The following ARHGAP26 variants were observed in gnomAD, a reference collection of about 807,000 sequenced individuals.
ARHGAP26 encodes the protein rho GTPase-activating protein 26.
ARHGAP26 carries 38 observed loss-of-function variants against 104.8 expected under a neutral mutation model. The observed-to-expected ratio is 0.36, with a 90% confidence interval of 0.28 to 0.48. ARHGAP26 has a LOEUF of 0.48. ARHGAP26 is among the 20% of genes least tolerant of loss of function. The probability of loss-of-function intolerance (pLI) is 0.99; values close to 1 mark genes in which losing one functional copy is unlikely to be tolerated. For synonymous variants in ARHGAP26, 341 were observed against 340.0 expected (o/e 1.00, Z -0.03); for missense variants, 704 against 947.9 (o/e 0.74, Z 3.38).
At chr5:142,775,164 T>G (rs985074164) in intron 1 of ARHGAP26, among the ~76,000 whole-genome samples, 1 of 152,102 alleles carries the variant, frequency 6.6e-6, no homozygotes, top group African/African-American at 2.4e-5. Flanking sequence ...GTGTAGTTTT[T>G]TTTAAGAACT....
chr5:143,042,540 T>TAA (rs1783623560), intron 14 of ARHGAP26, among the ~76,000 whole-genome samples: 2 of 152,320 alleles, frequency 1.3e-5, no homozygotes, highest in South Asian at 4.1e-4. Flanking sequence ...GCAGATTTCC[T>TAA]GTATTTTTAG....
intron 1 of ARHGAP26, among the ~76,000 whole-genome samples, chr5:142,861,294 G>T (rs1466936128): frequency 6.6e-6 from 1 of 151,996 alleles, no homozygotes; most frequent in African/African-American, 2.4e-5. Context: ...AAAAGAAAGT[G>T]AAACCAATTT....
intron 6 of ARHGAP26, among the ~76,000 whole-genome samples, chr5:142,901,204 G>T (rs1760280780): frequency 6.6e-6 from 1 of 152,200 alleles, no homozygotes; most frequent in African/African-American, 2.4e-5. Flanking sequence ...AAGCCGTGTG[G>T]TGAGCATTGT....
At chr5:143,092,190 G>T (rs1294096677) in intron 17 of ARHGAP26, among the ~76,000 whole-genome samples, 3 of 141,838 alleles carry the variant, frequency 2.1e-5, no homozygotes. Flanking sequence ...TTTTGAGATG[G>T]AGTCTCCCTC....
Position 142,770,931 on chromosome 5 carries a change from C to T in ARHGAP26, c.154+16C>T. 1.3e-6 allele frequency: 2 copies of T among 1,594,608 alleles called. No homozygotes were observed. Among genetic ancestry groups the T allele is most frequent in the Non-Finnish European group, 1.7e-6 (2 of 1,169,346 alleles). ...GCGCTCAAGAGTGAGTGTCCCGAGC[C>T]CCTCGGGGACGCGGCTCCGGGGCGG... On this transcript the variant is annotated intron_variant, in intron 1 of 22. Coordinates refer to ENST00000645722, the MANE Select transcript of ARHGAP26 (RefSeq NM_001135608.3).
At chr5:142,960,258 G>A (rs1160998918) in intron 11 of ARHGAP26, among the ~76,000 whole-genome samples, 1 of 152,214 alleles carries the variant, frequency 6.6e-6, no homozygotes, top group African/African-American at 2.4e-5. Flanking sequence ...AGCCTAAATT[G>A]ACAAAAGAAG....
At chr5:142,972,543 T>G (rs534996006) in intron 11 of ARHGAP26, among the ~76,000 whole-genome samples, 111 of 152,298 alleles carry the variant, frequency 7.3e-4, no homozygotes, top group Non-Finnish European at 1.3e-3. Flanking sequence ...AACTTTTATT[T>G]TGTGTGTTTA....
At chr5:142,967,874 T>C (rs917439467) in intron 11 of ARHGAP26, among the ~76,000 whole-genome samples, 2 of 152,030 alleles carry the variant, frequency 1.3e-5, no homozygotes, top group Non-Finnish European at 2.9e-5. Context: ...ACTGATAAAA[T>C]CAGTGATGAG....
intron 1 of ARHGAP26, among the ~76,000 whole-genome samples, chr5:142,848,091 A>G (rs1215131342): frequency 6.6e-6 from 1 of 152,226 alleles, no homozygotes; most frequent in Non-Finnish European, 1.5e-5. Flanking sequence ...TAGTTGGTGA[A>G]GGGGAGTGAT....
chr5:143,072,431 C>T (rs1226585813), intron 17 of ARHGAP26, among the ~76,000 whole-genome samples: 2 of 152,192 alleles, frequency 1.3e-5, no homozygotes, highest in Admixed American at 1.3e-4. Context: ...GAAATCATTA[C>T]ATTGAAGAGA....
intron 17 of ARHGAP26, among the ~76,000 whole-genome samples, chr5:143,107,252 G>A (rs1012152009): frequency 1.2e-4 from 18 of 152,152 alleles, no homozygotes; most frequent in Non-Finnish European, 2.4e-4. Context: ...ATGACATGAG[G>A]TTGGAGGGGT....
chr5:143,217,681 C>G (rs1246380901), intron 22 of ARHGAP26, among the ~76,000 whole-genome samples: 1 of 152,162 alleles, frequency 6.6e-6, no homozygotes, highest in Non-Finnish European at 1.5e-5. Context: ...AATGGGTTAA[C>G]AGGAGGGCAC....
At chr5:142,900,007 G>T (rs1760067284) in intron 6 of ARHGAP26, among the ~76,000 whole-genome samples, 1 of 152,210 alleles carries the variant, frequency 6.6e-6, no homozygotes, top group Non-Finnish European at 1.5e-5. Flanking sequence ...AATGACCTTG[G>T]AATTAACTGC....
Position 143,222,382 on chromosome 5 carries a change from G to T in ARHGAP26, c.2216G>T (p.Trp739Leu). 3.7e-6 allele frequency: 6 copies of T among 1,604,932 alleles called. No homozygotes were observed. Among genetic ancestry groups the T allele is most frequent in the Non-Finnish European group, 5.1e-6 (6 of 1,173,860 alleles). Reference protein sequence around the residue: ...DNVHPSQEPGWLEGTLNGKTG... With the variant: ...DNVHPSQEPGLLEGTLNGKTG... ...GTTCACCCATCTCAGGAGCCTGGCT[G>T]GTTGGAGGGGACTCTGAACGGAAAG... is the stretch of plus-strand genomic sequence containing the variant. Residue 739 changes from tryptophan to leucine, a missense_variant, in exon 23 of 23, where the codon TGG (tryptophan) becomes TTG (leucine). Physicochemically the swap from Trp to Leu is moderately conservative, Grantham distance 61. Around this residue, in one of 6 missense-constraint regions of ARHGAP26, gnomAD observed 217 missense variants for 242.6 expected, o/e 0.89. Transcript: ENST00000645722.
chr5:142,830,808 C>G (rs1055028089), intron 1 of ARHGAP26, among the ~76,000 whole-genome samples: 7 of 152,174 alleles, frequency 4.6e-5, no homozygotes, highest in Non-Finnish European at 7.3e-5. Context: ...AGTCACTCAG[C>G]CAGACTGCGC....
At chr5:143,195,017 C>A (rs894701974) in intron 20 of ARHGAP26, among the ~76,000 whole-genome samples, 3 of 152,148 alleles carry the variant, frequency 2.0e-5, no homozygotes, top group African/African-American at 7.2e-5. Context: ...AGATCAGAGA[C>A]AATTTTCCAC....
chr5:143,060,088 T>G (rs1182346169), intron 17 of ARHGAP26, among the ~76,000 whole-genome samples: 2 of 152,334 alleles, frequency 1.3e-5, no homozygotes, highest in Non-Finnish European at 2.9e-5. Flanking sequence ...AATCAAGCAG[T>G]AAGGGAAAGT....
intron 1 of ARHGAP26, among the ~76,000 whole-genome samples, chr5:142,845,095 C>T (rs1473792786): frequency 6.6e-6 from 1 of 152,120 alleles, no homozygotes; most frequent in East Asian, 1.9e-4. Context: ...CAGGAATATC[C>T]TGAGGAGCTG....
At chr5:142,783,955 G>A (rs1013184410) in intron 1 of ARHGAP26, among the ~76,000 whole-genome samples, 2 of 152,244 alleles carry the variant, frequency 1.3e-5, no homozygotes, top group African/African-American at 4.8e-5. Flanking sequence ...CACCCCTGCT[G>A]TGGACAATAT....
Sources: allele counts gnomAD v4.1 joint callset (sites outside exome capture counted in the v4.1 genomes callset), GRCh38; gene constraint gnomAD v4.1.1; regional missense constraint gnomAD v4.1.1; transcripts MANE v1.5; gene names NCBI Gene and HGNC (gene_info 2026-07-23, HGNC 2026-07-21).